BCAS4: variants seen among roughly 807,000 people sequenced by gnomAD.
BCAS4 encodes breast carcinoma amplified sequence 4.
In BCAS4, 9 loss-of-function variants were observed where a neutral mutation model predicts 15.7. The ratio of observed to expected loss-of-function variants is 0.57; its 90% confidence interval spans 0.34 to 1.00. The LOEUF is 1.00. BCAS4 is among the 50% of genes least tolerant of loss of function. BCAS4 has a pLI of 0.02. For missense variants in BCAS4, 225 were observed against 239.1 expected, an observed-to-expected ratio of 0.94 and a Z score of 0.39; for synonymous variants, 101 against 99.5, an observed-to-expected ratio of 1.02 and a Z score of -0.09.
intron 4 of BCAS4, among the ~76,000 whole-genome samples, chr20:50,843,671 C>A (rs978932507): frequency 6.6e-6 from 1 of 152,238 alleles, no homozygotes; most frequent in African/African-American, 2.4e-5. Context: ...ACTCCTCTTG[C>A]TCCTTCAGAG....
At chr20:50,820,121 A>G (rs2088195600) in intron 2 of BCAS4, among the ~76,000 whole-genome samples, 1 of 152,180 alleles carries the variant, frequency 6.6e-6, no homozygotes, top group Non-Finnish European at 1.5e-5. Flanking sequence ...GGGATTGATT[A>G]TAGGCGTGAG....
chr20:50,796,212 G>A (rs1215880720), intron 1 of BCAS4, among the ~76,000 whole-genome samples: 2 of 149,810 alleles, frequency 1.3e-5, no homozygotes, highest in African/African-American at 4.9e-5. Context: ...GTGAAACCCC[G>A]TCTCTACTAA....
At chr20:50,815,130 T>C (rs1228526126) in intron 1 of BCAS4, among the ~76,000 whole-genome samples, 2 of 152,170 alleles carry the variant, frequency 1.3e-5, no homozygotes, top group Admixed American at 1.3e-4. Flanking sequence ...GGCAGTGAAA[T>C]GCAGAGGTTA....
intron 2 of BCAS4, among the ~76,000 whole-genome samples, 153 bp from the exon 3 acceptor site, chr20:50,830,126 G>T (rs1201795601): frequency 6.6e-6 from 1 of 152,192 alleles, no homozygotes; most frequent in Non-Finnish European, 1.5e-5. Flanking sequence ...CTCCCCTGGG[G>T]CTCTGAGTTG....
intron 4 of BCAS4, among the ~76,000 whole-genome samples, chr20:50,857,995 G>A (rs559492724): frequency 2.6e-5 from 4 of 151,972 alleles, no homozygotes; most frequent in East Asian, 3.9e-4. Flanking sequence ...TGCCCATCCC[G>A]TCCCCACACA....
chr20:50,826,388 C>CG (rs1431999441), intron 2 of BCAS4, among the ~76,000 whole-genome samples: 1 of 152,086 alleles, frequency 6.6e-6, no homozygotes, highest in Non-Finnish European at 1.5e-5. Flanking sequence ...CTTTGCTGCC[C>CG]GGGGAGACTC....
chr20:50,849,695 G>A (rs527915700), intron 4 of BCAS4, among the ~76,000 whole-genome samples: 2 of 152,334 alleles, frequency 1.3e-5, no homozygotes, highest in East Asian at 1.9e-4. Context: ...CATAAATGGC[G>A]GCCAGTGGTC....
At chr20:50,804,334 C>T (rs765419210) in intron 1 of BCAS4, among the ~76,000 whole-genome samples, 39 of 152,258 alleles carry the variant, frequency 2.6e-4, no homozygotes, top group Non-Finnish European at 4.9e-4. Context: ...CCACTGCACC[C>T]GGCCTCATGC....
At chr20:50,878,852 G>A (rs6096152), downstream of BCAS4, 65,382 of 151,602 alleles carry the variant, frequency 0.43, 15,294 homozygotes, top group African/African-American at 0.63. Context: ...CACAAACTGA[G>A]TGTATCTATT....
chr20:50,873,679 G>A (rs1600909069), intron 4 of BCAS4, among the ~76,000 whole-genome samples: 2 of 152,196 alleles, frequency 1.3e-5, no homozygotes, highest in Non-Finnish European at 2.9e-5. Flanking sequence ...GGGGACGTGT[G>A]TCCACTGACC....
Position 50,867,923 on chromosome 20 carries a change from CAA to C in BCAS4, c.400-8561_400-8560del, listed in dbSNP as rs565741705. On this transcript the variant is annotated intron_variant, in intron 4 of 4. Coordinates refer to ENST00000371608, the MANE Select transcript of BCAS4 (RefSeq NM_198799.4). Reference sequence around the variant, plus strand: ...AGAGAGACTCCATCTCAAAAACAAACAAACAAAAACACCCACACAAAGTGATG... The same window carrying C: ...AGAGAGACTCCATCTCAAAAACAAACACAAAAACACCCACACAAAGTGATG... 5.3e-5 allele frequency among the ~76,000 whole-genome samples: 8 copies of C among 152,258 alleles called. No homozygotes were observed. The South Asian group carries it at 1.7e-3, about 32-fold the overall frequency.
intron 4 of BCAS4, among the ~76,000 whole-genome samples, chr20:50,869,157 T>G (rs1166405018): frequency 6.6e-6 from 1 of 152,072 alleles, no homozygotes; most frequent in Non-Finnish European, 1.5e-5. Flanking sequence ...TGCTGTGAGG[T>G]TAGAAGTAGT....
chr20:50,869,498 G>A (rs1979526078), intron 4 of BCAS4, among the ~76,000 whole-genome samples: 1 of 152,200 alleles, frequency 6.6e-6, no homozygotes, highest in African/African-American at 2.4e-5. Context: ...TTCTGGGCAA[G>A]CCAGGACTGG....
intron 4 of BCAS4, among the ~76,000 whole-genome samples, chr20:50,873,982 G>A (rs941609238): frequency 2.6e-5 from 4 of 152,070 alleles, no homozygotes; most frequent in Non-Finnish European, 5.9e-5. Context: ...CAACAGGCTC[G>A]GTGTGATGTG....
intron 3 of BCAS4, among the ~76,000 whole-genome samples, chr20:50,835,245 ATTT>A (rs1278646307): frequency 1.7e-3 from 231 of 134,574 alleles, no homozygotes; most frequent in African/African-American, 6.0e-3. Context: ...AACTACTATA[ATTT>A]TTTTTTTTTT....
intron 3 of BCAS4, among the ~76,000 whole-genome samples, chr20:50,835,042 A>G (rs1362362916): frequency 2.0e-5 from 3 of 152,100 alleles, no homozygotes; most frequent in Admixed American, 2.0e-4. Flanking sequence ...TGTGTAACAT[A>G]TGTTTTCATT....
chr20:50,867,225 G>T (rs1386560325), intron 4 of BCAS4, among the ~76,000 whole-genome samples: 1 of 152,102 alleles, frequency 6.6e-6, no homozygotes, highest in African/African-American at 2.4e-5. Flanking sequence ...GTCTTTTTCT[G>T]TTCCGGGATC....
intron 4 of BCAS4, among the ~76,000 whole-genome samples, chr20:50,868,434 T>G (rs1298481291): frequency 6.6e-6 from 1 of 152,208 alleles, no homozygotes; most frequent in Non-Finnish European, 1.5e-5. Context: ...TCTTTCTTTC[T>G]TTTTTTGAGT....
At chr20:50,878,879 G>A (rs1478316038), downstream of BCAS4, 1 of 152,152 alleles carries the variant, frequency 6.6e-6, no homozygotes, top group Non-Finnish European at 1.5e-5. Context: ...TCACCAGACT[G>A]AGCAACCAAC....
Sources: allele counts gnomAD v4.1 joint callset (sites outside exome capture counted in the v4.1 genomes callset), GRCh38; gene constraint gnomAD v4.1.1; transcripts MANE v1.5; gene names NCBI Gene and HGNC (gene_info 2026-07-23, HGNC 2026-07-21).